The following LRP1B variants were observed in gnomAD, a reference collection of about 807,000 sequenced individuals.
The protein encoded by LRP1B is LDL receptor related protein 1B, also known as low-density lipoprotein receptor-related protein 1B.
In LRP1B, 217 loss-of-function variants were observed where a neutral mutation model predicts 556.6. The ratio of observed to expected loss-of-function variants is 0.39; its 90% CI spans 0.35 to 0.44. LRP1B has a LOEUF of 0.44. LRP1B is among the 20% of genes least tolerant of loss of function. LRP1B has a pLI of 1.00. For synonymous variants in LRP1B, 2,047 were observed against 1,865.8 expected, an observed-to-expected ratio of 1.10 and a Z score of -2.50; for missense variants, 5,053 against 5,620.8, an observed-to-expected ratio of 0.90 and a Z score of 3.23.
intron 2 of LRP1B, among the ~76,000 whole-genome samples, chr2:141,567,924 T>G (rs1197878022): frequency 1.3e-5 from 2 of 150,072 alleles, no homozygotes; most frequent in African/African-American, 4.8e-5. Context: ...CAAAGGGAGC[T>G]ATAGGGGAGC....
intron 49 of LRP1B, among the ~76,000 whole-genome samples, chr2:140,517,961 G>C (rs867809510): frequency 6.6e-6 from 1 of 151,732 alleles, no homozygotes; most frequent in Non-Finnish European, 1.5e-5. Flanking sequence ...CTCCCGCCTC[G>C]GCCTCCCAAA....
At chr2:140,470,838 T>C (rs1687739239) in intron 60 of LRP1B, among the ~76,000 whole-genome samples, 1 of 151,998 alleles carries the variant, frequency 6.6e-6, no homozygotes, top group South Asian at 2.1e-4. Flanking sequence ...ATAAGCTAGT[T>C]AGCAGTAGAT....
intron 1 of LRP1B, among the ~76,000 whole-genome samples, chr2:141,994,666 C>A (rs1702438515): frequency 6.6e-6 from 1 of 152,080 alleles, no homozygotes; most frequent in Admixed American, 6.6e-5. Context: ...GTAAGGATAT[C>A]ATGAAAGAAA....
chr2:141,461,984 G>A (rs1444272027), intron 3 of LRP1B, among the ~76,000 whole-genome samples: 1 of 152,192 alleles, frequency 6.6e-6, no homozygotes, highest in Admixed American at 6.5e-5. Flanking sequence ...AAAATGTAAT[G>A]TTCATCTTAT....
intron 1 of LRP1B, among the ~76,000 whole-genome samples, chr2:142,118,411 A>G (rs1342139778): frequency 1.3e-5 from 2 of 152,150 alleles, no homozygotes; most frequent in East Asian, 3.9e-4. Flanking sequence ...CCAGCTTCAC[A>G]GCTATCTGAA....
chr2:140,891,322 G>A (rs1693791543), intron 23 of LRP1B, among the ~76,000 whole-genome samples: 1 of 152,128 alleles, frequency 6.6e-6, no homozygotes, highest in African/African-American at 2.4e-5. Flanking sequence ...TATGAAAGCA[G>A]CAGATGAGTT....
Position 141,027,832 on chromosome 2 carries a change from A to C in LRP1B, c.1790-7730T>G, listed in dbSNP as rs146898587. On this transcript the variant is annotated intron_variant, in intron 11 of 90. Transcript: ENST00000389484. ...TAGTGCCCTTATAAGAAGAGACCAG[A>C]GAGCTCTCTAATCCTTTTTCCTTCA... Among the ~76,000 whole-genome samples the C allele has an allele frequency of 8.4e-4, 128 of 152,254 alleles. 1 individual carries two copies. Among genetic ancestry groups the C allele is most frequent in the African/African-American group, 3.0e-3 (125 of 41,576 alleles).
intron 86 of LRP1B, among the ~76,000 whole-genome samples, chr2:140,267,828 G>C (rs1025310847): frequency 6.6e-6 from 1 of 151,898 alleles, no homozygotes; most frequent in South Asian, 2.1e-4. Context: ...AAGTAGGAGA[G>C]GTTGCTCTAA....
intron 3 of LRP1B, among the ~76,000 whole-genome samples, chr2:141,324,047 C>T (rs1687348838): frequency 6.7e-6 from 1 of 148,860 alleles, no homozygotes; most frequent in African/African-American, 2.4e-5. Flanking sequence ...CACACACACA[C>T]ACACACACAC....
At chr2:141,085,781 T>G (rs895165959) in intron 7 of LRP1B, among the ~76,000 whole-genome samples, 1 of 152,188 alleles carries the variant, frequency 6.6e-6, no homozygotes, top group African/African-American at 2.4e-5. Flanking sequence ...ATGCTCAAAT[T>G]TGTCTTTTAT....
intron 2 of LRP1B, among the ~76,000 whole-genome samples, chr2:141,737,681 C>A (rs143066444): frequency 7.2e-5 from 11 of 152,222 alleles, no homozygotes; most frequent in African/African-American, 2.4e-4. Context: ...GAGATTTTGC[C>A]TCTTGCTTTC....
chr2:140,434,925 G>GT (rs1686108156), intron 66 of LRP1B, among the ~76,000 whole-genome samples: 1 of 151,758 alleles, frequency 6.6e-6, no homozygotes, highest in African/African-American at 2.4e-5. Context: ...TTTTTAAGGG[G>GT]TAAAAAAATA....
chr2:140,961,817 G>A (rs1263422405), intron 18 of LRP1B, among the ~76,000 whole-genome samples: 1 of 152,080 alleles, frequency 6.6e-6, no homozygotes, highest in Non-Finnish European at 1.5e-5. Flanking sequence ...TTCTAGTCAA[G>A]AGGAAGTCAA....
chr2:141,759,966 CT>C (rs997373779), intron 2 of LRP1B, among the ~76,000 whole-genome samples: 6 of 152,060 alleles, frequency 3.9e-5, no homozygotes, highest in Non-Finnish European at 7.4e-5. Context: ...CCTGTCTCTA[CT>C]AAAATACAAA....
At chr2:141,007,294 A>G (rs1697604101) in intron 14 of LRP1B, among the ~76,000 whole-genome samples, 1 of 151,910 alleles carries the variant, frequency 6.6e-6, no homozygotes, top group Non-Finnish European at 1.5e-5. Flanking sequence ...TATTCAACAC[A>G]TTACCACAGG....
chr2:141,733,111 G>A (rs1037938584), intron 2 of LRP1B, among the ~76,000 whole-genome samples: 2 of 152,034 alleles, frequency 1.3e-5, no homozygotes, highest in African/African-American at 4.8e-5. Context: ...TATCAAAGAT[G>A]GTTGTATCAG....
chr2:140,522,024 G>C (rs750744231), intron 49 of LRP1B, among the ~76,000 whole-genome samples: 2 of 151,884 alleles, frequency 1.3e-5, no homozygotes, highest in East Asian at 3.9e-4. Context: ...GACATCATTC[G>C]GTCAATGAGG....
At chr2:141,903,633 C>G (rs1699681700) in intron 1 of LRP1B, among the ~76,000 whole-genome samples, 1 of 151,858 alleles carries the variant, frequency 6.6e-6, no homozygotes, top group African/African-American at 2.4e-5. Flanking sequence ...TCTAGTCGGT[C>G]AAGCAATTAA....
intron 7 of LRP1B, among the ~76,000 whole-genome samples, chr2:141,095,540 T>C (rs1271643374): frequency 6.6e-6 from 1 of 151,858 alleles, no homozygotes; most frequent in African/African-American, 2.4e-5. Context: ...GTGGTATGCT[T>C]TCACTAGTGT....
Sources: gnomAD v4.1 joint callset for allele counts (sites outside exome capture counted in the v4.1 genomes callset) on GRCh38, gnomAD v4.1.1 for gene constraint, MANE v1.5 for transcripts, NCBI Gene and HGNC (gene_info 2026-07-23, HGNC 2026-07-21) for gene names.